ULK4: variants seen among roughly 807,000 people sequenced by gnomAD.
ULK4 encodes the protein unc-51 like kinase 4.
ULK4 carries 133 observed loss-of-function variants against 160.6 expected under a neutral mutation model. The ratio of observed to expected loss-of-function variants is 0.83; its 90% CI spans 0.72 to 0.96. The LOEUF (loss-of-function observed/expected upper bound fraction) is 0.96. ULK4 is among the 40% of genes least tolerant of loss of function. The probability of loss-of-function intolerance (pLI) is 0.00; values close to 1 mark genes in which losing one functional copy is unlikely to be tolerated. For missense variants in ULK4, 1,580 were observed against 1,499.5 expected (o/e 1.05, Z -0.89); for synonymous variants, 534 against 539.8 (o/e 0.99, Z 0.15).
chr3:41,246,843 T>C lies in ULK4; in HGVS notation c.*86A>G, dbSNP rs2078652429. ...AGGTCCAAAGACAGCTGTGAGGGGA[T>C]GTGGCAAAGGTGTCTGGGAGCTGAC... On this transcript the variant is annotated 3_prime_UTR_variant, in exon 37 of 37. Transcript: ENST00000301831. The C allele has an allele frequency of 3.4e-6, 5 of 1,486,684 alleles. No individual in the cohort carries two copies. The highest frequency in any genetic ancestry group is 3.8e-5 in the Admixed American group (2 of 52,920). The allele number at this position is 1,486,684 out of a possible 1,614,324, so 92.1% of individuals were successfully genotyped here.
intron 17 of ULK4, among the ~76,000 whole-genome samples, chr3:41,841,185 C>CACCTCT (rs1559598707): frequency 0.021 from 3,179 of 148,154 alleles, 169 homozygotes; most frequent in African/African-American, 0.077. Flanking sequence ...AGGTGAGGAG[C>CACCTCT]GCCTCTGCCC....
chr3:41,716,589 CAGTT>C (rs938232899), intron 23 of ULK4, among the ~76,000 whole-genome samples: 1 of 152,124 alleles, frequency 6.6e-6, no homozygotes, highest in African/African-American at 2.4e-5. Context: ...AAGTTGCTGT[CAGTT>C]AGCCTTGAAG....
intron 31 of ULK4, among the ~76,000 whole-genome samples, chr3:41,584,398 C>T (rs1210920145): frequency 6.6e-6 from 1 of 151,940 alleles, no homozygotes; most frequent in Admixed American, 6.6e-5. Flanking sequence ...CTCAAGTGAC[C>T]CCCCTGCCTC....
intron 34 of ULK4, among the ~76,000 whole-genome samples, chr3:41,431,330 C>A (rs966818399): frequency 6.7e-6 from 1 of 149,844 alleles, no homozygotes; most frequent in African/African-American, 2.5e-5. Flanking sequence ...CCAGGCAACA[C>A]AGCGAGACTC....
At chr3:41,884,464 G>A (rs1435455366) in intron 16 of ULK4, among the ~76,000 whole-genome samples, 1 of 152,150 alleles carries the variant, frequency 6.6e-6, no homozygotes, top group African/African-American at 2.4e-5. Flanking sequence ...TTTTAATGAG[G>A]TGTTCCTTTA....
intron 34 of ULK4, among the ~76,000 whole-genome samples, chr3:41,401,825 C>A (rs547364150): frequency 2.6e-5 from 4 of 152,242 alleles, no homozygotes; most frequent in Admixed American, 1.3e-4. Context: ...TCCAGTTTGG[C>A]TTTAATGGAA....
chr3:41,709,615 G>A (rs2037021590), intron 25 of ULK4, among the ~76,000 whole-genome samples: 1 of 152,150 alleles, frequency 6.6e-6, no homozygotes. Flanking sequence ...TCAATCTCCT[G>A]ACCTCATAAT....
chr3:41,718,911 G>A (rs897962692), intron 22 of ULK4, among the ~76,000 whole-genome samples: 1 of 152,178 alleles, frequency 6.6e-6, no homozygotes, highest in African/African-American at 2.4e-5. Flanking sequence ...CCCAAATCAG[G>A]AAGTTAGCCT....
chr3:41,567,381 C>T (rs1049124282), intron 31 of ULK4, among the ~76,000 whole-genome samples: 2 of 150,600 alleles, frequency 1.3e-5, no homozygotes, highest in Non-Finnish European at 2.9e-5. Flanking sequence ...AGCAGTGGGA[C>T]TGCATATGAT....
intron 31 of ULK4, among the ~76,000 whole-genome samples, chr3:41,584,050 G>T (rs922447223): frequency 6.6e-5 from 10 of 152,176 alleles, no homozygotes; most frequent in Admixed American, 3.9e-4. Flanking sequence ...CTAATTAAGT[G>T]GTTCTCTGGG....
intron 34 of ULK4, among the ~76,000 whole-genome samples, chr3:41,425,342 C>T (rs150793216): frequency 1.3e-3 from 200 of 152,174 alleles, no homozygotes; most frequent in African/African-American, 4.2e-3. Flanking sequence ...TGAAAAGATA[C>T]GGGGAGAATG....
Position 41,919,771 on chromosome 3 carries a change from A to G in ULK4, c.589T>C (p.Ser197Pro), listed in dbSNP as rs1699122497. 1 of 1,614,100 alleles carries G rather than the reference A, an allele frequency of 6.2e-7. No homozygotes were observed. The highest frequency in any genetic ancestry group is 8.5e-7 in the Non-Finnish European group (1 of 1,179,984). ...AAAGACCAGAGGTCACTGGAGATGG[A>G]AAAGTCAGCACCCCTCACAACTTCT... Reference protein sequence around the residue: ...APEVVRGADFSISSDLWSLGC... With the variant: ...APEVVRGADFPISSDLWSLGC... The change falls in exon 6 of 37, where the codon TCC (serine) becomes CCC (proline). Residue 197 changes from serine (S) to proline (P), a missense_variant. Ser to Pro is a moderately conservative substitution (Grantham distance 74). Transcript: ENST00000301831.
chr3:41,751,136 C>G (rs1290514644), intron 22 of ULK4, among the ~76,000 whole-genome samples: 1 of 152,136 alleles, frequency 6.6e-6, no homozygotes, highest in Non-Finnish European at 1.5e-5. Context: ...CTATTGACTT[C>G]TTAACCTACT....
intron 2 of ULK4, among the ~76,000 whole-genome samples, chr3:41,942,518 C>CA (rs1481232020): frequency 6.6e-6 from 1 of 151,432 alleles, no homozygotes; most frequent in Non-Finnish European, 1.5e-5. Flanking sequence ...GACTTCATCT[C>CA]AAAAAAATAA....
chr3:41,355,792 C>T (rs1286204157), intron 35 of ULK4, among the ~76,000 whole-genome samples: 1 of 152,092 alleles, frequency 6.6e-6, no homozygotes, highest in African/African-American at 2.4e-5. Context: ...AAAAACATTA[C>T]ATTTTAATAG....
intron 10 of ULK4, 30 bp downstream of exon 10, chr3:41,911,511 G>A: frequency 6.3e-7 from 1 of 1,589,618 alleles, no homozygotes; most frequent in Non-Finnish European, 8.6e-7. Context: ...AACATTCTAA[G>A]TAGCATGAAT....
intron 32 of ULK4, among the ~76,000 whole-genome samples, chr3:41,525,091 A>G (rs2086067457): frequency 6.6e-6 from 1 of 152,202 alleles, no homozygotes; most frequent in Non-Finnish European, 1.5e-5. Flanking sequence ...AGTTCCTAAA[A>G]TATCTTTTTC....
Position 41,431,547 on chromosome 3 carries a change from C to CATTT in ULK4, c.3492+23949_3492+23950insAAAT, listed in dbSNP as rs563543377. Among the ~76,000 whole-genome samples, 64 of 95,864 alleles carry CATTT rather than the reference C, an allele frequency of 6.7e-4. 2 individuals carry two copies. Among genetic ancestry groups the CATTT allele is most frequent in the African/African-American group, 2.7e-3 (63 of 23,684 alleles). The allele number at this position is 95,864 out of a possible 152,430, so 62.9% of individuals were successfully genotyped here. Reference sequence around the variant, plus strand: ...CCTGTGAGGTGTTGTAATTCCCTCCCTTTTTTTTTTTTTTTGATGTGGAAA... The same window carrying CATTT: ...CCTGTGAGGTGTTGTAATTCCCTCCCATTTTTTTTTTTTTTTTTTGATGTGGAAA... On this transcript the variant is annotated intron_variant, in intron 34 of 36. Coordinates refer to ENST00000301831, the MANE Select transcript of ULK4 (RefSeq NM_017886.4).
intron 31 of ULK4, among the ~76,000 whole-genome samples, chr3:41,572,989 C>T (rs2088055706): frequency 6.6e-6 from 1 of 152,120 alleles, no homozygotes; most frequent in Non-Finnish European, 1.5e-5. Flanking sequence ...GGCAATCCCA[C>T]TACACTTTAA....
Sources: allele counts gnomAD v4.1 joint callset (sites outside exome capture counted in the v4.1 genomes callset), GRCh38; gene constraint gnomAD v4.1.1; transcripts MANE v1.5; gene names NCBI Gene and HGNC (gene_info 2026-07-23, HGNC 2026-07-21).